The following NHSL1 variants were observed in gnomAD, a reference collection of about 807,000 sequenced individuals.
NHSL1 encodes the protein NHS like 1, also known as NHS-like protein 1.
NHSL1 carries 48 observed loss-of-function variants against 95.0 expected under a neutral mutation model. That is an observed-to-expected ratio of 0.51 (90% CI 0.40 to 0.64). NHSL1 has a LOEUF of 0.64. Among genes scored for constraint, NHSL1 ranks in the 30% least tolerant of loss-of-function variants. The pLI is 0.00. For synonymous variants in NHSL1, 783 were observed against 833.9 expected (o/e 0.94, Z 1.05); for missense variants, 1,971 against 2,077.7 (o/e 0.95, Z 1.00).
upstream of NHSL1, among the ~76,000 whole-genome samples, chr6:138,576,214 A>T (rs147458654): frequency 8.8e-4 from 133 of 151,526 alleles, 3 homozygotes; most frequent in East Asian, 0.018. Context: ...CTGATCTCAA[A>T]CTCCTGATGT....
intron 1 of NHSL1, among the ~76,000 whole-genome samples, chr6:138,525,208 A>T (rs561803771): frequency 5.9e-5 from 9 of 152,134 alleles, no homozygotes; most frequent in Non-Finnish European, 1.3e-4. Flanking sequence ...TACAGACAAA[A>T]AAGATAATGT....
At chr6:138,482,926 CCCCTGGAGGGCT>C (rs1388047579) in intron 2 of NHSL1, among the ~76,000 whole-genome samples, 1 of 152,184 alleles carries the variant, frequency 6.6e-6, no homozygotes, top group Non-Finnish European at 1.5e-5. Flanking sequence ...ACATCAGAAT[CCCCTGGAGGGCT>C]TGTTATAAAA....
chr6:138,621,266 T>C (rs1395264409), intron 1 of NHSL1, among the ~76,000 whole-genome samples: 1 of 152,224 alleles, frequency 6.6e-6, no homozygotes, highest in African/African-American at 2.4e-5. Context: ...CTTCATTCAT[T>C]ATCATCCAAT....
In NHSL1 at chr6:138,432,157, C is replaced by G. The variant is rs1415928013; in HGVS notation, c.2188G>C (p.Glu730Gln). The G allele has an allele frequency of 1.9e-6, 3 of 1,548,420 alleles. No individual in the cohort carries two copies. In the Admixed American group the frequency reaches 5.9e-5, roughly 30 times the overall value. ...PSQSPCSDLE[E>Q]PWLPRSRSQS... ...CTCCGGGAGCGGGGCAGCCAGGGCT[C>G]TTCCAAGTCACTGCAGGGGCTCTGG... Residue 730 changes from glutamate (E) to glutamine (Q), a missense_variant, in exon 6 of 8, where the codon GAG becomes CAG. Physicochemically the swap from Glu to Gln is conservative, Grantham distance 29. Around this residue, in one of 3 missense-constraint regions of NHSL1, gnomAD observed 1,602 missense variants for 1,654.5 expected, o/e 0.97. Coordinates refer to ENST00000343505, the MANE Select transcript of NHSL1 (RefSeq NM_001144060.2). This position sits in a 1 kb window ranked among gnomAD's most constrained non-coding sequence, Gnocchi z 4.4.
chr6:138,556,812 G>A (rs138115494), intron 1 of NHSL1, among the ~76,000 whole-genome samples: 2 of 151,994 alleles, frequency 1.3e-5, no homozygotes, highest in Admixed American at 6.6e-5. Context: ...ATTGAAATAC[G>A]TCTTACCTTC....
intron 1 of NHSL1, among the ~76,000 whole-genome samples, chr6:138,654,849 C>A (rs1785137051): frequency 6.6e-6 from 1 of 152,128 alleles, no homozygotes; most frequent in Non-Finnish European, 1.5e-5. Flanking sequence ...ACAATACATA[C>A]AGTATGATTC....
intron 1 of NHSL1, among the ~76,000 whole-genome samples, chr6:138,656,016 T>C (rs1785151824): frequency 2.6e-5 from 4 of 152,176 alleles, no homozygotes; most frequent in Admixed American, 2.0e-4. Context: ...CCCTCCCTCT[T>C]TCCTCTTCTT....
chr6:138,464,896 AGAGACAGG>A (rs1286343590), intron 3 of NHSL1, among the ~76,000 whole-genome samples: 1 of 151,456 alleles, frequency 6.6e-6, no homozygotes, highest in Admixed American at 6.6e-5. Context: ...TATTTTTAGT[AGAGACAGG>A]GTTTCACCAT....
chr6:138,492,872 T>C (rs1256647258), intron 2 of NHSL1, among the ~76,000 whole-genome samples: 2 of 152,236 alleles, frequency 1.3e-5, no homozygotes, highest in Admixed American at 6.5e-5. Context: ...AAATGATTAC[T>C]CACTGTGAAT....
chr6:138,518,743 C>T (rs924521365), intron 1 of NHSL1, among the ~76,000 whole-genome samples: 6 of 152,118 alleles, frequency 3.9e-5, no homozygotes, highest in Non-Finnish European at 8.8e-5. Flanking sequence ...GAAGGCCAGG[C>T]GCAGTAGCTC....
chr6:138,479,708 T>G (rs1333531205), intron 2 of NHSL1, among the ~76,000 whole-genome samples: 2 of 152,252 alleles, frequency 1.3e-5, no homozygotes, highest in Non-Finnish European at 2.9e-5. Context: ...AGAGGACTAC[T>G]TTAAACATGC....
chr6:138,604,827 T>C (rs1461378862), intron 1 of NHSL1, among the ~76,000 whole-genome samples: 9 of 152,170 alleles, frequency 5.9e-5, no homozygotes, highest in Admixed American at 2.0e-4. Context: ...GGTTTCACCA[T>C]GTTGGCCAGG....
intron 1 of NHSL1, among the ~76,000 whole-genome samples, chr6:138,632,141 G>A (rs1030922666): frequency 6.6e-6 from 1 of 152,234 alleles, no homozygotes; most frequent in Non-Finnish European, 1.5e-5. Context: ...TCTGCCTTGG[G>A]AAAGGGGAGG....
chr6:138,626,420 G>A (rs187923608), intron 1 of NHSL1, among the ~76,000 whole-genome samples: 1 of 152,262 alleles, frequency 6.6e-6, no homozygotes, highest in African/African-American at 2.4e-5. Flanking sequence ...TAAATCATCA[G>A]ACACACTTGA....
At chr6:138,593,919 G>A (rs1784267175) in intron 1 of NHSL1, among the ~76,000 whole-genome samples, 1 of 152,196 alleles carries the variant, frequency 6.6e-6, no homozygotes, top group African/African-American at 2.4e-5. Flanking sequence ...AGTGACTTGG[G>A]CAGTTTTTCC....
At chr6:138,632,466 T>A (rs1784831917) in intron 1 of NHSL1, among the ~76,000 whole-genome samples, 1 of 152,164 alleles carries the variant, frequency 6.6e-6, no homozygotes, top group Admixed American at 6.5e-5. Flanking sequence ...TCCTAGTAGA[T>A]GGTAACCAAA....
At chr6:138,663,560 CAAAAAAAA>C (rs56870354) in intron 1 of NHSL1, among the ~76,000 whole-genome samples, 2 of 95,530 alleles carry the variant, frequency 2.1e-5, no homozygotes, top group East Asian at 3.0e-4. Flanking sequence ...AACTCCATCT[CAAAAAAAA>C]AAAAAAAAAA....
At position 138,445,510 on chromosome 6, in the gene NHSL1, T is replaced by G. The variant is rs115648012; in HGVS notation, c.532+1491A>C. On this transcript the variant is annotated intron_variant, in intron 4 of 7. Transcript: ENST00000343505. ...GAAAATGGCTTAAAATGCCCTGCTA[T>G]TCTTTTAAGATTTAAGTAAAATAAA... is the stretch of plus-strand genomic sequence containing the variant. 5.3e-3 allele frequency among the ~76,000 whole-genome samples: 805 copies of G among 152,346 alleles called. 2 individuals carry two copies. The highest frequency in any genetic ancestry group is 0.018 in the African/African-American group (732 of 41,582).
At chr6:138,635,509 C>G (rs1784875815) in intron 1 of NHSL1, among the ~76,000 whole-genome samples, 1 of 151,908 alleles carries the variant, frequency 6.6e-6, no homozygotes. Context: ...CTGAACAGAC[C>G]AATAGAAGTA....
Sources: allele counts gnomAD v4.1 joint callset (sites outside exome capture counted in the v4.1 genomes callset), GRCh38; gene constraint gnomAD v4.1.1; regional missense constraint gnomAD v4.1.1; non-coding constraint Gnocchi (gnomAD v3.1); transcripts MANE v1.5; gene names NCBI Gene and HGNC (gene_info 2026-07-23, HGNC 2026-07-21).